ARHGEF28: variants seen among roughly 807,000 people sequenced by gnomAD.
The protein encoded by ARHGEF28 is Rho guanine nucleotide exchange factor 28.
ARHGEF28 carries 152 observed loss-of-function variants against 206.6 expected under a neutral mutation model. The observed-to-expected ratio is 0.74, with a 90% confidence interval of 0.64 to 0.84. ARHGEF28 has a LOEUF of 0.84. ARHGEF28 is among the 40% of genes least tolerant of loss of function. The probability of loss-of-function intolerance (pLI) is 0.00; values close to 1 mark genes in which losing one functional copy is unlikely to be tolerated. For synonymous variants in ARHGEF28, 763 were observed against 776.4 expected (o/e 0.98, Z 0.29); for missense variants, 2,028 against 2,073.2 (o/e 0.98, Z 0.42).
chr5:73,918,962 C>G (rs934586100), intron 35 of ARHGEF28, among the ~76,000 whole-genome samples: 1 of 152,156 alleles, frequency 6.6e-6, no homozygotes, highest in Non-Finnish European at 1.5e-5. Context: ...GACGCATGTC[C>G]CCGGATTGCT....
intron 2 of ARHGEF28, among the ~76,000 whole-genome samples, chr5:73,710,856 C>A (rs1404304417): frequency 6.6e-6 from 1 of 152,078 alleles, no homozygotes; most frequent in East Asian, 1.9e-4. Context: ...GTGTGTACCA[C>A]CCATGCCTGG....
At chr5:73,832,313 C>T in intron 9 of ARHGEF28, 25 bp from the exon 10 acceptor site, 1 of 1,610,152 alleles carries the variant, frequency 6.2e-7, no homozygotes. Flanking sequence ...CCTTTATTTG[C>T]CCTGTTTTCA....
chr5:73,830,972 A>G (rs895136737), intron 9 of ARHGEF28, among the ~76,000 whole-genome samples: 1 of 152,168 alleles, frequency 6.6e-6, no homozygotes, highest in Non-Finnish European at 1.5e-5. Flanking sequence ...TGAGGATGGC[A>G]TTTACTATAG....
At chr5:73,637,993 C>A (rs563435120) in intron 1 of ARHGEF28, among the ~76,000 whole-genome samples, 2 of 152,026 alleles carry the variant, frequency 1.3e-5, no homozygotes, top group Non-Finnish European at 2.9e-5. Flanking sequence ...TATGCATCTG[C>A]TCCAGTGATG....
intron 9 of ARHGEF28, among the ~76,000 whole-genome samples, chr5:73,824,518 G>A (rs1209105565): frequency 6.6e-6 from 1 of 151,546 alleles, no homozygotes; most frequent in Non-Finnish European, 1.5e-5. Flanking sequence ...TGCCCAGGCT[G>A]GAGTGCGGTA....
In ARHGEF28 at chr5:73,840,642, G is replaced by A. The variant is rs1757930059; in HGVS notation, c.1309G>A (p.Ala437Thr). The change falls in exon 11 of 36, where the codon GCA becomes ACA. Residue 437 changes from alanine to threonine, a missense_variant. Physicochemically the swap from Ala to Thr is moderately conservative, Grantham distance 58. Around this residue, in one of 3 missense-constraint regions of ARHGEF28, gnomAD observed 1,002 missense variants for 1,015.3 expected, o/e 0.99. Transcript: ENST00000513042. ...YPLSENVEGT[A>T]HTEAQQSFMS... ...ACTTAGTGAAAATGTCGAAGGGACA[G>A]CACACACTGAAGCCCAGCAGTCCTT... The A allele has an allele frequency of 6.2e-7, 1 of 1,613,830 alleles. No individual in the cohort carries two copies. The highest frequency in any genetic ancestry group is 8.5e-7 in the Non-Finnish European group (1 of 1,179,798).
intron 2 of ARHGEF28, among the ~76,000 whole-genome samples, chr5:73,742,228 G>A (rs1054538048): frequency 1.3e-5 from 2 of 151,894 alleles, no homozygotes; most frequent in African/African-American, 2.4e-5. Context: ...TATAGGTATC[G>A]TTATTGTTTT....
intron 1 of ARHGEF28, among the ~76,000 whole-genome samples, chr5:73,657,433 T>C (rs1745293638): frequency 6.6e-6 from 1 of 152,242 alleles, no homozygotes; most frequent in African/African-American, 2.4e-5. Flanking sequence ...TCCTTTCTGA[T>C]GCTTTGAGTT....
intron 26 of ARHGEF28, among the ~76,000 whole-genome samples, chr5:73,890,147 A>G (rs1462829295): frequency 6.6e-6 from 1 of 152,192 alleles, no homozygotes; most frequent in Non-Finnish European, 1.5e-5. Context: ...CGTGGTTAGT[A>G]TGAATACCGA....
chr5:73,714,781 C>T lies in ARHGEF28; in HGVS notation c.33+29897C>T, dbSNP rs553059621. Among the ~76,000 whole-genome samples, 7 of 152,284 alleles carry T rather than the reference C, an allele frequency of 4.6e-5. No individual in the cohort carries two copies. The South Asian group carries it at 1.2e-3, about 27-fold the overall frequency. ...CCCAGAGCAAGACATACATTTCTAG[C>T]ACCCCAACGGTCCCTTGTGCCCACT... On this transcript the variant is annotated intron_variant, in intron 2 of 35. Coordinates refer to ENST00000513042, the MANE Select transcript of ARHGEF28 (RefSeq NM_001177693.2).
chr5:73,798,005 C>T (rs1330746381), intron 9 of ARHGEF28, among the ~76,000 whole-genome samples: 2 of 152,186 alleles, frequency 1.3e-5, no homozygotes, highest in Non-Finnish European at 2.9e-5. Context: ...TTGGACAGGG[C>T]AGAACAGAGT....
chr5:73,923,083 TCAGGCTC>T lies in ARHGEF28; in HGVS notation c.4948+11512_4948+11518del. On this transcript the variant is annotated intron_variant, in intron 35 of 35. Transcript: ENST00000513042. ...CTGGTAATGCGGCCATATTTTGCAT[TCAGGCTC>T]CAGTATGACAAAGTGCAGTTGTACG... The T allele has an allele frequency of 5.2e-6, 8 of 1,535,366 alleles. No homozygotes were observed. The African/African-American group carries it at 9.6e-5, about 18-fold the overall frequency.
chr5:73,828,441 C>A (rs1223719856), intron 9 of ARHGEF28, among the ~76,000 whole-genome samples: 3 of 151,882 alleles, frequency 2.0e-5, no homozygotes, highest in African/African-American at 4.8e-5. Context: ...ATCTACATGT[C>A]AGGTTCTAGG....
At chr5:73,738,041 A>T (rs1205097568) in intron 2 of ARHGEF28, among the ~76,000 whole-genome samples, 1 of 152,210 alleles carries the variant, frequency 6.6e-6, no homozygotes, top group Non-Finnish European at 1.5e-5. Flanking sequence ...GGGAGCCCAG[A>T]AGAGAAGAGA....
chr5:73,685,980 C>T (rs1209925046), intron 2 of ARHGEF28, among the ~76,000 whole-genome samples: 1 of 152,146 alleles, frequency 6.6e-6, no homozygotes, highest in Non-Finnish European at 1.5e-5. Flanking sequence ...ATCCACTTCC[C>T]ACACTTCACT....
At chr5:73,816,675 T>C (rs6873271) in intron 9 of ARHGEF28, among the ~76,000 whole-genome samples, 49,650 of 152,210 alleles carry the variant, frequency 0.33, 9,377 homozygotes, top group East Asian at 0.5. Context: ...AAAGTATATC[T>C]AGTACTTTCT....
intron 1 of ARHGEF28, among the ~76,000 whole-genome samples, chr5:73,658,668 A>C (rs2112183374): frequency 6.6e-6 from 1 of 152,204 alleles, no homozygotes; most frequent in Admixed American, 6.5e-5. Context: ...GGTTCTTTTA[A>C]AAAAAATATT....
intron 22 of ARHGEF28, among the ~76,000 whole-genome samples, chr5:73,878,818 T>C (rs1409431450): frequency 2.6e-5 from 4 of 151,602 alleles, no homozygotes; most frequent in African/African-American, 9.7e-5. Flanking sequence ...GGGCTTCCCT[T>C]TGTGGGTAAC....
intron 35 of ARHGEF28, among the ~76,000 whole-genome samples, chr5:73,932,195 T>C (rs1488982316): frequency 6.6e-6 from 1 of 152,224 alleles, no homozygotes; most frequent in Non-Finnish European, 1.5e-5. Flanking sequence ...AAGTTTGATA[T>C]GTATCATGAT....
Sources: allele counts gnomAD v4.1 joint callset (sites outside exome capture counted in the v4.1 genomes callset), GRCh38; gene constraint gnomAD v4.1.1; regional missense constraint gnomAD v4.1.1; transcripts MANE v1.5; gene names NCBI Gene and HGNC (gene_info 2026-07-23, HGNC 2026-07-21).